Variants in YLPM1 observed in about 807,000 individuals in gnomAD.
The protein encoded by YLPM1 is YLP motif-containing protein 1.
Under a neutral mutation model 230.0 loss-of-function variants are expected in YLPM1, and 99 were observed. The observed-to-expected ratio is 0.43, with a 90% confidence interval of 0.37 to 0.51. The LOEUF (loss-of-function observed/expected upper bound fraction) is 0.51. YLPM1 is among the 20% of genes least tolerant of loss of function. The pLI, the probability that YLPM1 is intolerant of heterozygous loss-of-function variation, is 0.00. For missense variants in YLPM1, 2,592 were observed against 2,707.7 expected (o/e 0.96, Z 0.95); for synonymous variants, 984 against 942.5 (o/e 1.04, Z -0.81).
Position 74,811,742 on chromosome 14 carries a change from G to A in YLPM1, c.5347+4G>A, listed in dbSNP as rs751420068. ...GAAGGACCATCCATGTTTGGAGGTA[G>A]AGTGATGCCTTATTAACTACAAGGA... is the stretch of plus-strand genomic sequence containing the variant. On this transcript the variant is annotated splice_donor_region_variant and intron_variant, in intron 10 of 20. Transcript: ENST00000325680. The A allele has an allele frequency of 1.9e-6, 3 of 1,566,112 alleles. No homozygotes were observed. Among genetic ancestry groups the A allele is most frequent in the Non-Finnish European group, 2.6e-6 (3 of 1,154,494 alleles).
rs749412287 is a variant in YLPM1, at chr14:74,809,490, C to T, written c.4632C>T (p.Val1544=). The part of the protein sequence containing the change: ...RSSVPVTRPP[V]PIPPPPPPPP... ...CTGTTCCTGTGACCAGGCCACCTGTCCCAATACCACCACCTCCACCTCCTC... is the reference window on the plus strand; with the variant it reads ...CTGTTCCTGTGACCAGGCCACCTGTTCCAATACCACCACCTCCACCTCCTC... The change falls in exon 7 of 21, where the codon GTC becomes GTT. Residue 1544 remains valine (V), a synonymous_variant. Transcript: ENST00000325680. The T allele has an allele frequency of 6.3e-7, 1 of 1,585,192 alleles. No individual in the cohort carries two copies. The highest frequency in any genetic ancestry group is 1.1e-5 in the South Asian group (1 of 87,478).
chr14:74,792,770 G>T lies in YLPM1; in HGVS notation c.2283-4810G>T, dbSNP rs74553552. Among the ~76,000 whole-genome samples the T allele has an allele frequency of 3.1e-3, 473 of 152,272 alleles. 1 individual carries two copies. Among genetic ancestry groups the T allele is most frequent in the African/African-American group, 0.011 (459 of 41,542 alleles). On this transcript the variant is annotated intron_variant, in intron 4 of 20. Coordinates refer to ENST00000325680, the MANE Select transcript of YLPM1 (RefSeq NM_019589.3). ...CTCTGCCATATGGGTGTTAACTACA[G>T]CATTCCCCTTGCTGACCCTCCGGAA...
At chr14:74,780,265 C>A in intron 2 of YLPM1, 140 bp from the exon 3 acceptor site, 1 of 1,050,970 alleles carries the variant, frequency 9.5e-7, no homozygotes, top group Non-Finnish European at 1.3e-6. Flanking sequence ...TGTTCTCAAT[C>A]CAAAAAGAAC....
rs899648419 is a variant in YLPM1 at position 74,817,263 on chromosome 14, A to G, written c.5932A>G (p.Lys1978Glu). The G allele has an allele frequency of 1.9e-6, 3 of 1,584,346 alleles. No homozygotes were observed. Among genetic ancestry groups the G allele is most frequent in the Admixed American group, 1.8e-5 (1 of 55,576 alleles). The change falls in exon 15 of 21, where the codon AAA becomes GAA. Residue 1978 changes from lysine to glutamate, a missense_variant. Around this residue, in one of 4 missense-constraint regions of YLPM1, gnomAD observed 315 missense variants for 429.3 expected, o/e 0.73. Coordinates refer to ENST00000325680, the MANE Select transcript of YLPM1 (RefSeq NM_019589.3). ...GAGAAATATTCATGGAAGAAAGCTT[A>G]AAGAAATAAATAAGGTGATTTTAAG... The part of the protein sequence containing the change: ...GKRNIHGRKL[K>E]EINKMADHWE...
chr14:74,788,475 A>G (rs2091171254), intron 4 of YLPM1, among the ~76,000 whole-genome samples: 1 of 152,178 alleles, frequency 6.6e-6, no homozygotes, highest in African/African-American at 2.4e-5. Context: ...GCCACAAAAT[A>G]TGTGATAAGA....
intron 11 of YLPM1, among the ~76,000 whole-genome samples, chr14:74,814,276 G>A (rs1257602598): frequency 1.3e-5 from 2 of 152,178 alleles, no homozygotes; most frequent in African/African-American, 4.8e-5. Context: ...CAGGAGAATG[G>A]CATGAACCCA....
At chr14:74,824,196 G>A (rs373249526) in intron 17 of YLPM1, 60 bp from the exon 18 acceptor site, 45 of 1,531,990 alleles carry the variant, frequency 2.9e-5, no homozygotes, top group Middle Eastern at 1.7e-4. Flanking sequence ...CAGTTCAAAC[G>A]TGATATGCAT....
At chr14:74,774,667 G>A (rs1308626960) in intron 1 of YLPM1, among the ~76,000 whole-genome samples, 1 of 151,966 alleles carries the variant, frequency 6.6e-6, no homozygotes, top group Non-Finnish European at 1.5e-5. Context: ...CGGCCTCCCA[G>A]AGTGCTGGGA....
intron 4 of YLPM1, among the ~76,000 whole-genome samples, chr14:74,783,652 C>T (rs2091117662): frequency 6.6e-6 from 1 of 152,116 alleles, no homozygotes; most frequent in African/African-American, 2.4e-5. Flanking sequence ...TCATTTTTTT[C>T]AACCTCATTT....
rs751966469 is a variant in YLPM1, at chr14:74,763,483, T to C, written c.-7T>C. 10 of 1,443,880 alleles carry C rather than the reference T, an allele frequency of 6.9e-6. No individual in the cohort carries two copies. Among genetic ancestry groups the C allele is most frequent in the South Asian group, 3.0e-5 (2 of 67,156 alleles). 89.4% of individuals were successfully genotyped at this position (1,443,880 alleles called of 1,614,324 possible). A position where few individuals can be genotyped will look rare whatever the true frequency, so the allele number is the denominator to read the frequency against. ...GCCAGGACGAGCCCTGCGCCTTCTT[T>C]TTCGATATGTACCCGAATTGGGGCC... On this transcript the variant is annotated 5_prime_UTR_variant, in exon 1 of 21. Transcript: ENST00000325680.
chr14:74,835,789 G>A lies in YLPM1; in HGVS notation c.*51G>A, dbSNP rs540769014. On this transcript the variant is annotated 3_prime_UTR_variant, in exon 21 of 21. Coordinates refer to ENST00000325680, the MANE Select transcript of YLPM1 (RefSeq NM_019589.3). Reference sequence around the variant, plus strand: ...TTTCTTTCCAGGTGGTTCGCTTTGAGGTGGTCTGAAGCCAAGGCCTCGCGG... The same window carrying A: ...TTTCTTTCCAGGTGGTTCGCTTTGAAGTGGTCTGAAGCCAAGGCCTCGCGG... 1.3e-5 allele frequency: 6 copies of A among 453,890 alleles called. No homozygotes were observed. Among genetic ancestry groups the A allele is most frequent in the Admixed American group, 1.2e-4 (5 of 41,354 alleles). 28.1% of individuals were successfully genotyped at this position (453,890 alleles called of 1,614,324 possible).
rs2091645223 is a variant in YLPM1 at position 74,836,570 on chromosome 14, T to A, written c.*832T>A. ...TGCCTTTATGCTGTTAGGTTTTTATTTTTTCCTGATCTGGCTTTGAATTCT... is the reference window on the plus strand; with the variant it reads ...TGCCTTTATGCTGTTAGGTTTTTATATTTTCCTGATCTGGCTTTGAATTCT... On this transcript the variant is annotated 3_prime_UTR_variant, in exon 21 of 21. Coordinates refer to ENST00000325680, the MANE Select transcript of YLPM1 (RefSeq NM_019589.3). 1.3e-5 allele frequency: 2 copies of A among 152,518 alleles called. No homozygotes were observed. The highest frequency in any genetic ancestry group is 4.8e-5 in the African/African-American group (2 of 41,452). 9.4% of individuals were successfully genotyped at this position (152,518 alleles called of 1,614,324 possible).
In YLPM1 at chr14:74,798,148, C is replaced by T. The variant is rs766713884; in HGVS notation, c.2851C>T (p.Pro951Ser). The change falls in exon 5 of 21, where the codon CCT (proline) becomes TCT (serine). Residue 951 changes from proline to serine, a missense_variant. By Grantham distance (74) the Pro-to-Ser change is moderately conservative. Coordinates refer to ENST00000325680, the MANE Select transcript of YLPM1 (RefSeq NM_019589.3). ...VTQPVPLANKPVPAQSTFPSK... is the reference protein window; with the variant it reads ...VTQPVPLANKSVPAQSTFPSK... ...TCAGCCTGTACCCCTTGCGAATAAG[C>T]CTGTACCTGCTCAATCTACTTTTCC... 2.5e-6 allele frequency: 4 copies of T among 1,613,842 alleles called. No homozygotes were observed. The African/African-American group carries it at 5.3e-5, about 22-fold the overall frequency.
chr14:74,812,783 G>A lies in YLPM1; in HGVS notation c.5502+1G>A. Reference sequence around the variant, plus strand: ...GGGCCGGGAGAGCAGACCTGAGAGAGTGAGTCCTATGAAGTTGATTCGTCT... The same window carrying A: ...GGGCCGGGAGAGCAGACCTGAGAGAATGAGTCCTATGAAGTTGATTCGTCT... On this transcript the variant is annotated splice_donor_variant, in intron 11 of 20. Transcript: ENST00000325680. LOFTEE classifies it high-confidence loss of function. 6.2e-7 allele frequency: 1 copy of A among 1,612,860 alleles called. No individual in the cohort carries two copies. The highest frequency in any genetic ancestry group is 8.5e-7 in the Non-Finnish European group (1 of 1,179,372).
chr14:74,778,553 C>G lies in YLPM1; in HGVS notation c.980C>G (p.Pro327Arg), dbSNP rs1210043743. ...KKGPVVAKDT[P>R]EPVKEEVTVP... Reference sequence around the variant, plus strand: ...GGTCCTGTGGTAGCAAAGGATACACCAGAGCCGGTAAAAGAAGAAGTTACA... The same window carrying G: ...GGTCCTGTGGTAGCAAAGGATACACGAGAGCCGGTAAAAGAAGAAGTTACA... The change falls in exon 2 of 21, where the codon CCA becomes CGA. Residue 327 changes from proline (P) to arginine (R), a missense_variant. By Grantham distance (103) the Pro-to-Arg change is moderately radical. Transcript: ENST00000325680. 8.1e-6 allele frequency: 13 copies of G among 1,606,688 alleles called. No individual in the cohort carries two copies. The highest frequency in any genetic ancestry group is 1.1e-5 in the Non-Finnish European group (13 of 1,176,642).
At chr14:74,810,155 T>TA in intron 8 of YLPM1, 70 bp from the exon 9 acceptor site, 1 of 1,545,022 alleles carries the variant, frequency 6.5e-7, no homozygotes, top group South Asian at 1.2e-5. Flanking sequence ...GCTCTGAAGT[T>TA]AGATTTATAG....
rs768156655 is a variant in YLPM1, at chr14:74,799,391, T to G, written c.4094T>G (p.Phe1365Cys). Residue 1365 changes from phenylalanine to cysteine, a missense_variant, in exon 5 of 21, where the codon TTC (phenylalanine) becomes TGC (cysteine). Phe to Cys is a radical substitution (Grantham distance 205). Coordinates refer to ENST00000325680, the MANE Select transcript of YLPM1 (RefSeq NM_019589.3). ...RNREHGYDRD[F>C]RDRGELRIRE... ...CGAGAGCATGGGTATGATCGAGATTTCCGTGATAGGGGTGAGTTGAGGATT... is the reference window on the plus strand; with the variant it reads ...CGAGAGCATGGGTATGATCGAGATTGCCGTGATAGGGGTGAGTTGAGGATT... 3 of 1,613,836 alleles carry G rather than the reference T, an allele frequency of 1.9e-6. No homozygotes were observed. Among genetic ancestry groups the G allele is most frequent in the Non-Finnish European group, 2.5e-6 (3 of 1,179,894 alleles).
At chr14:74,810,549 C>A in intron 9 of YLPM1, 129 bp downstream of exon 9, 1 of 947,828 alleles carries the variant, frequency 1.1e-6, no homozygotes, top group Non-Finnish European at 1.5e-6. Context: ...GGGGGAAGAA[C>A]AATTCTGGAC....
intron 1 of YLPM1, among the ~76,000 whole-genome samples, chr14:74,771,197 A>G (rs567967825): frequency 6.6e-5 from 10 of 152,336 alleles, no homozygotes; most frequent in Middle Eastern, 6.8e-3. Flanking sequence ...TTCTTGAGAC[A>G]TAGATTCCAA....
Sources: gnomAD v4.1 joint callset for allele counts (sites outside exome capture counted in the v4.1 genomes callset) on GRCh38, gnomAD v4.1.1 for gene constraint, gnomAD v4.1.1 regional missense constraint, MANE v1.5 for transcripts, NCBI Gene and HGNC (gene_info 2026-07-23, HGNC 2026-07-21) for gene names.